Variants in DNAAF4 observed in about 807,000 individuals in gnomAD.
DNAAF4 encodes the protein dynein axonemal assembly factor 4.
In DNAAF4, 43 loss-of-function variants were observed where a neutral mutation model predicts 51.8. The ratio of observed to expected loss-of-function variants is 0.83; its 90% CI spans 0.65 to 1.07. The LOEUF is 1.07. DNAAF4 is among the 50% of genes least tolerant of loss of function. The pLI, the probability that DNAAF4 is intolerant of heterozygous loss-of-function variation, is 0.00. For synonymous variants in DNAAF4, 194 were observed against 165.6 expected (o/e 1.17, Z -1.32); for missense variants, 581 against 493.0 (o/e 1.18, Z -1.69).
chr15:55,482,055 C>G (rs960876045), intron 4 of DNAAF4, among the ~76,000 whole-genome samples: 4 of 152,174 alleles, frequency 2.6e-5, no homozygotes, highest in African/African-American at 4.8e-5. Flanking sequence ...CTTGCTTGAG[C>G]CCGCTTACAC....
At chr15:55,466,894 A>G in intron 5 of DNAAF4, 36 bp downstream of exon 5, 2 of 1,576,268 alleles carry the variant, frequency 1.3e-6, no homozygotes, top group Non-Finnish European at 8.5e-7. Context: ...CTTCACCAAC[A>G]GGACTCACTA....
At chr15:55,446,681 A>G (rs1465241314) in intron 6 of DNAAF4, among the ~76,000 whole-genome samples, 1 of 144,488 alleles carries the variant, frequency 6.9e-6, no homozygotes. Context: ...CTCACATCCC[A>G]GACGGGGTGG....
At chr15:55,427,604 G>A (rs908198010), downstream of DNAAF4, among the ~76,000 whole-genome samples, 1 of 152,050 alleles carries the variant, frequency 6.6e-6, no homozygotes, top group Non-Finnish European at 1.5e-5. Flanking sequence ...GCAGTTTAGG[G>A]AGGGTCAGAA....
chr15:55,463,672 T>TCAAC (rs145649539), intron 5 of DNAAF4, among the ~76,000 whole-genome samples: 5,192 of 152,022 alleles, frequency 0.034, 131 homozygotes, highest in East Asian at 0.059. Flanking sequence ...CATCAAGAAC[T>TCAAC]CAACCTCTTT....
chr15:55,460,179 A>ATTTTTT (rs760588937), intron 5 of DNAAF4, among the ~76,000 whole-genome samples: 2 of 123,792 alleles, frequency 1.6e-5, no homozygotes. Context: ...TTATTTACTT[A>ATTTTTT]TTTATTTATT....
intron 6 of DNAAF4, among the ~76,000 whole-genome samples, chr15:55,443,861 G>A (rs1210052862): frequency 2.0e-5 from 3 of 152,178 alleles, no homozygotes; most frequent in Non-Finnish European, 4.4e-5. Context: ...AGAAGTGTCT[G>A]TTCATATCCT....
chr15:55,458,595 C>T (rs576008105), intron 5 of DNAAF4, among the ~76,000 whole-genome samples: 1 of 152,240 alleles, frequency 6.6e-6, no homozygotes, highest in African/African-American at 2.4e-5. Context: ...GAAGGGAAAT[C>T]TAAAAGTTTG....
intron 4 of DNAAF4, among the ~76,000 whole-genome samples, chr15:55,472,972 C>T (rs887232027): frequency 6.6e-6 from 1 of 151,568 alleles, no homozygotes; most frequent in African/African-American, 2.4e-5. Context: ...TAGAGACCAG[C>T]CTGGCCAAAA....
chr15:55,440,654 A>G (rs2057695954), intron 6 of DNAAF4, among the ~76,000 whole-genome samples: 1 of 144,464 alleles, frequency 6.9e-6, no homozygotes, highest in Non-Finnish European at 1.5e-5. Context: ...GCGTTGGGCC[A>G]CTGCACCTGG....
intron 3 of DNAAF4, among the ~76,000 whole-genome samples, chr15:55,491,708 T>TATTATATATTATATATATATATATA (rs2058575132): frequency 7.1e-6 from 1 of 140,722 alleles, no homozygotes; most frequent in South Asian, 2.1e-4. Context: ...TATTATATAC[T>TATTATATATTATATATATATATATA]ATTATTATAT....
intron 4 of DNAAF4, among the ~76,000 whole-genome samples, chr15:55,488,225 T>G: frequency 6.6e-6 from 1 of 152,072 alleles, no homozygotes; most frequent in South Asian, 2.1e-4. Flanking sequence ...AAAATAAATT[T>G]CTGTTAAACA....
Position 55,454,365 on chromosome 15 carries a change from G to A in DNAAF4, c.638-3998C>T, listed in dbSNP as rs145490987. On this transcript the variant is annotated intron_variant, in intron 5 of 9. Transcript: ENST00000321149. ...ATTGAAAACAAGAGAATACAATAATGTAATATTTGTTTGTTTTTGTTTTTG... is the reference window on the plus strand; with the variant it reads ...ATTGAAAACAAGAGAATACAATAATATAATATTTGTTTGTTTTTGTTTTTG... 6.6e-4 allele frequency among the ~76,000 whole-genome samples: 100 copies of A among 151,852 alleles called. 3 individuals are homozygous for A. The highest frequency in any genetic ancestry group is 6.4e-3 in the East Asian group (33 of 5,134).
chr15:55,431,624 G>A (rs1411108901), intron 9 of DNAAF4, among the ~76,000 whole-genome samples: 6 of 151,840 alleles, frequency 4.0e-5, no homozygotes, highest in Non-Finnish European at 7.4e-5. Flanking sequence ...ACAGGCGCCC[G>A]CCACCACACC....
chr15:55,466,972 T>C lies in DNAAF4; in HGVS notation c.595A>G (p.Ser199Gly). The C allele has an allele frequency of 3.8e-6, 6 of 1,585,608 alleles. No homozygotes were observed. Among genetic ancestry groups the C allele is most frequent in the Non-Finnish European group, 4.3e-6 (5 of 1,171,742 alleles). The change falls in exon 5 of 10, where the codon AGT becomes GGT. Residue 199 changes from serine (S) to glycine (G), a missense_variant. Physicochemically the swap from Ser to Gly is moderately conservative, Grantham distance 56 (BLOSUM62 0). Transcript: ENST00000321149. ...CTAGATGCCAAATTTCTAGTAAGAC[T>C]CTTATATTTTATTTTTTTTCTTTCT... Reference protein sequence around the residue: ...KEERKKIKYKSLTRNLASRNL... With the variant: ...KEERKKIKYKGLTRNLASRNL...
downstream of DNAAF4, among the ~76,000 whole-genome samples, chr15:55,429,473 AG>A (rs1472708673): frequency 1.3e-5 from 2 of 148,946 alleles, no homozygotes; most frequent in Non-Finnish European, 3.0e-5. Context: ...AGCTATGATC[AG>A]GCCACTGCTC....
In DNAAF4 at chr15:55,497,739, T is replaced by C. The variant is rs763318859; in HGVS notation, c.244A>G (p.Met82Val). 2 of 1,612,768 alleles carry C rather than the reference T, an allele frequency of 1.2e-6. No homozygotes were observed. Among genetic ancestry groups the C allele is most frequent in the East Asian group, 2.2e-5 (1 of 44,858 alleles). Residue 82 changes from methionine to valine, a missense_variant, in exon 3 of 10, where the codon ATG becomes GTG. Coordinates refer to ENST00000321149, the MANE Select transcript of DNAAF4 (RefSeq NM_130810.4). ...VFTLYKKEAA[M>V]WETLSVTGVD... ...CCCGTCACAGAAAGGGTCTCCCACA[T>C]GGCCGCTTCTTTTTTATACAAGGTG...
At chr15:55,443,549 T>C (rs1434661034) in intron 6 of DNAAF4, among the ~76,000 whole-genome samples, 1 of 152,286 alleles carries the variant, frequency 6.6e-6, no homozygotes, top group Non-Finnish European at 1.5e-5. Flanking sequence ...TGATAATCTT[T>C]GGGTATATAC....
At chr15:55,491,454 T>G (rs1472040280) in intron 3 of DNAAF4, among the ~76,000 whole-genome samples, 198 bp from the exon 4 acceptor site, 2 of 142,814 alleles carry the variant, frequency 1.4e-5, no homozygotes, top group Non-Finnish European at 3.0e-5. Context: ...TAATAATGAA[T>G]GACTAGAGAA....
At chr15:55,433,950 A>ATTATAT (rs1228233746) in intron 8 of DNAAF4, among the ~76,000 whole-genome samples, 2 of 33,172 alleles carry the variant, frequency 6.0e-5, no homozygotes, top group African/African-American at 1.9e-4. Context: ...TATATAATAT[A>ATTATAT]TATAATATAT....
Sources: allele counts gnomAD v4.1 joint callset (sites outside exome capture counted in the v4.1 genomes callset), GRCh38; gene constraint gnomAD v4.1.1; transcripts MANE v1.5; gene names NCBI Gene and HGNC (gene_info 2026-07-23, HGNC 2026-07-21).